Variants in SRGAP1 observed in about 807,000 individuals in gnomAD.
SRGAP1 encodes SLIT-ROBO Rho GTPase activating protein 1.
A neutral mutation model predicts 121.9 loss-of-function variants in SRGAP1; 43 were observed. The observed-to-expected ratio is 0.35, with a 90% CI of 0.28 to 0.46. The LOEUF (loss-of-function observed/expected upper bound fraction) is 0.46. SRGAP1 is among the 20% of genes least tolerant of loss of function. The probability of loss-of-function intolerance (pLI) is 1.00; values close to 1 mark genes in which losing one functional copy is unlikely to be tolerated. For missense variants in SRGAP1, 1,102 were observed against 1,350.9 expected (o/e 0.82, Z 2.89); for synonymous variants, 447 against 485.4 (o/e 0.92, Z 1.04).
At chr12:63,884,805 TCCAC>T (rs1259680723) in intron 1 of SRGAP1, among the ~76,000 whole-genome samples, 94 of 146,166 alleles carry the variant, frequency 6.4e-4, no homozygotes, top group Non-Finnish European at 1.2e-4. Flanking sequence ...CACTGCAAGC[TCCAC>T]CCAGGTTCAA....
chr12:64,119,583 A>G (rs551870329), intron 18 of SRGAP1, among the ~76,000 whole-genome samples: 1 of 152,124 alleles, frequency 6.6e-6, no homozygotes, highest in East Asian at 1.9e-4. Context: ...TTCATTTTCT[A>G]ACTTAAGTTT....
At chr12:63,906,471 G>A (rs1022319441) in intron 1 of SRGAP1, among the ~76,000 whole-genome samples, 12 of 151,868 alleles carry the variant, frequency 7.9e-5, no homozygotes, top group East Asian at 7.8e-4. Flanking sequence ...CTGCCACCAC[G>A]CCCGGCTAAT....
At chr12:64,074,435 G>A (rs978662683) in intron 8 of SRGAP1, among the ~76,000 whole-genome samples, 2 of 152,088 alleles carry the variant, frequency 1.3e-5, no homozygotes, top group Admixed American at 1.3e-4. Context: ...ATCATACAAT[G>A]GAAAGGTCCT....
intron 1 of SRGAP1, among the ~76,000 whole-genome samples, chr12:63,909,220 T>C (rs565760637): frequency 3.1e-4 from 47 of 152,322 alleles, no homozygotes; most frequent in African/African-American, 1.0e-3. Context: ...TTCAGTGATA[T>C]TTACTTATGG....
intron 1 of SRGAP1, among the ~76,000 whole-genome samples, chr12:63,902,329 A>C (rs1299350472): frequency 6.6e-6 from 1 of 152,246 alleles, no homozygotes; most frequent in African/African-American, 2.4e-5. Flanking sequence ...TTCCAAGAAC[A>C]GTATTAACCC....
At chr12:63,972,612 T>C (rs2032987164) in intron 1 of SRGAP1, among the ~76,000 whole-genome samples, 1 of 152,228 alleles carries the variant, frequency 6.6e-6, no homozygotes. Context: ...CTATGTGTTC[T>C]GTGGAAATTT....
In SRGAP1 at chr12:64,012,635, C is replaced by G. The variant is rs1262898063; in HGVS notation, c.427-4315C>G. Among the ~76,000 whole-genome samples the G allele has an allele frequency of 2.1e-5, 3 of 142,958 alleles. No individual in the cohort carries two copies. The Admixed American group carries it at 2.2e-4, about 10-fold the overall frequency. 93.8% of individuals were successfully genotyped at this position (142,958 alleles called of 152,430 possible). A position where few individuals can be genotyped will look rare whatever the true frequency, so the allele number is the denominator to read the frequency against. The stretch of plus-strand genomic sequence containing the variant: ...GTGTATGCTCACAGCTCACTGCAGC[C>G]TCGAACTCTTAGGTTCAAGAGATCC... On this transcript the variant is annotated intron_variant, in intron 3 of 21. Coordinates refer to ENST00000355086, the MANE Select transcript of SRGAP1 (RefSeq NM_020762.4).
At chr12:63,848,107 G>C (rs905925628) in intron 1 of SRGAP1, among the ~76,000 whole-genome samples, 1 of 151,914 alleles carries the variant, frequency 6.6e-6, no homozygotes, top group African/African-American at 2.4e-5. Flanking sequence ...CTGGGTTCAA[G>C]TGATTCTCCT....
rs2037168304 is a variant in SRGAP1, at chr12:64,156,943, C to T, written c.*14271C>T. ...CATAAAATTATCTGACCTGAGAGAC[C>T]TTAACAGCTAGGCCTGCACTGCTCA... On this transcript the variant is annotated 3_prime_UTR_variant, in exon 22 of 22. Coordinates refer to ENST00000355086, the MANE Select transcript of SRGAP1 (RefSeq NM_020762.4). The T allele has an allele frequency of 6.6e-6, 1 of 152,128 alleles. No homozygotes were observed. The highest frequency in any genetic ancestry group is 2.4e-5 in the African/African-American group (1 of 41,412). 9.4% of individuals were successfully genotyped at this position (152,128 alleles called of 1,614,324 possible).
chr12:63,851,984 T>C (rs1207781262), intron 1 of SRGAP1, among the ~76,000 whole-genome samples: 2 of 152,128 alleles, frequency 1.3e-5, no homozygotes, highest in African/African-American at 4.8e-5. Context: ...TTCTATCTAC[T>C]GTATTTATTT....
chr12:64,086,754 A>G (rs1370486137), intron 10 of SRGAP1, among the ~76,000 whole-genome samples: 1 of 150,080 alleles, frequency 6.7e-6, no homozygotes, highest in Non-Finnish European at 1.5e-5. Context: ...ACAGCCTCAA[A>G]TTGCCAAGTG....
At chr12:64,086,545 C>A (rs2035942177) in intron 10 of SRGAP1, among the ~76,000 whole-genome samples, 1 of 152,060 alleles carries the variant, frequency 6.6e-6, no homozygotes, top group African/African-American at 2.4e-5. Context: ...AGAAAGAACA[C>A]CAACTTAGTC....
chr12:63,890,131 G>C (rs984480225), intron 1 of SRGAP1, among the ~76,000 whole-genome samples: 1 of 152,222 alleles, frequency 6.6e-6, no homozygotes, highest in Admixed American at 6.5e-5. Flanking sequence ...CCTGATACCT[G>C]GCCCAGAGCA....
chr12:64,111,969 G>A lies in SRGAP1; in HGVS notation c.2127G>A (p.Met709Ile). 6.2e-7 allele frequency: 1 copy of A among 1,613,584 alleles called. No homozygotes were observed. Among genetic ancestry groups the A allele is most frequent in the Non-Finnish European group, 8.5e-7 (1 of 1,179,694 alleles). ...ATGGCCCTGTTTATGAGAAATGTAT[G>A]GCTGGAGATGACTATTGGTAAGTCT... ...ELDGPVYEKC[M>I]AGDDYCDSPY... is the part of the protein sequence containing the mutation. The change falls in exon 17 of 22, where the codon ATG becomes ATA. Residue 709 changes from methionine (M) to isoleucine (I), a missense_variant. Transcript: ENST00000355086.
chr12:64,147,634 C>CAAA lies in SRGAP1; in HGVS notation c.*4963_*4964insAAA. On this transcript the variant is annotated 3_prime_UTR_variant, in exon 22 of 22. Transcript: ENST00000355086. ...TGCTCTGTACTGCCTCTCACCATTT[C>CAAA]ATTCCCTCCTCTCTGAGGTGAAAAT... 2.5e-6 allele frequency: 1 copy of CAAA among 398,696 alleles called. No individual in the cohort carries two copies. 24.7% of individuals were successfully genotyped at this position (398,696 alleles called of 1,614,324 possible).
chr12:64,091,912 C>T (rs1051891895), intron 12 of SRGAP1: 3 of 1,535,804 alleles, frequency 2.0e-6, no homozygotes, highest in Non-Finnish European at 2.6e-6. Flanking sequence ...AAGAAACTCG[C>T]ACACAAGACA....
rs139855641 is a variant in SRGAP1, at chr12:64,037,576, A to G, written c.490-5214A>G. Among the ~76,000 whole-genome samples, 169 of 152,338 alleles carry G rather than the reference A, an allele frequency of 1.1e-3. 1 individual carries two copies. The highest frequency in any genetic ancestry group is 2.1e-3 in the Non-Finnish European group (141 of 68,032). On this transcript the variant is annotated intron_variant, in intron 4 of 21. Coordinates refer to ENST00000355086, the MANE Select transcript of SRGAP1 (RefSeq NM_020762.4). ...GTTTCAAGACTCTTTGGCCCATGCC[A>G]ACTTATCTAATCTTATCCTTCAGCT...
chr12:63,905,201 C>G (rs920462446), intron 1 of SRGAP1, among the ~76,000 whole-genome samples: 42 of 152,094 alleles, frequency 2.8e-4, no homozygotes, highest in African/African-American at 1.0e-3. Context: ...ATCGTTAGTG[C>G]CTTCCTAAAG....
intron 1 of SRGAP1, among the ~76,000 whole-genome samples, chr12:63,970,132 A>C (rs543812139): frequency 2.0e-5 from 3 of 152,122 alleles, no homozygotes; most frequent in Non-Finnish European, 4.4e-5. Context: ...TTTCCAAGAC[A>C]CAGGGAAATT....
Sources: allele counts gnomAD v4.1 joint callset (sites outside exome capture counted in the v4.1 genomes callset), GRCh38; gene constraint gnomAD v4.1.1; transcripts MANE v1.5; gene names NCBI Gene and HGNC (gene_info 2026-07-23, HGNC 2026-07-21).